Variants in IL17RB observed in about 807,000 individuals in gnomAD.
The protein encoded by IL17RB is interleukin 17 receptor B.
In IL17RB, 36 loss-of-function variants were observed where a neutral mutation model predicts 43.9. The ratio of observed to expected loss-of-function variants is 0.82; its 90% CI spans 0.63 to 1.08. The LOEUF is 1.08. Ranked by LOEUF, IL17RB falls within the 50% of genes least tolerant of loss-of-function variation. IL17RB has a pLI of 0.00. For missense variants in IL17RB, 613 were observed against 613.6 expected (o/e 1.00, Z 0.01); for synonymous variants, 225 against 225.4 (o/e 1.00, Z 0.02).
Position 53,858,707 on chromosome 3 carries a change from G to T in IL17RB, c.748-12G>T. Reference sequence around the variant, plus strand: ...ATGGTGTGAACTTTCTGAGCCTCTTGTTTTTCCTCAGCTGACTCCATATTT... The same window carrying T: ...ATGGTGTGAACTTTCTGAGCCTCTTTTTTTTCCTCAGCTGACTCCATATTT... On this transcript the variant is annotated splice_polypyrimidine_tract_variant and intron_variant, in intron 8 of 10. Transcript: ENST00000288167. 1 of 1,613,466 alleles carries T rather than the reference G, an allele frequency of 6.2e-7. No homozygotes were observed. Among genetic ancestry groups the T allele is most frequent in the East Asian group, 2.2e-5 (1 of 44,872 alleles).
Position 53,865,048 on chromosome 3 carries a change from G to T in IL17RB, c.1249G>T (p.Glu417Ter), listed in dbSNP as rs199790259. The T allele has an allele frequency of 6.2e-7, 1 of 1,614,194 alleles. No individual in the cohort carries two copies. Among genetic ancestry groups the T allele is most frequent in the African/African-American group, 1.3e-5 (1 of 75,046 alleles). Residue 417 changes from glutamate to a stop codon, truncating the protein, a stop_gained, in exon 11 of 11, where the codon GAG becomes TAG. Transcript: ENST00000288167. LOFTEE classifies it low-confidence loss of function (END_TRUNC). ...TGGCAAGAGCGAGGGCAGTCCCAGT[G>T]AGAACTCTCAAGACCTCTTCCCCCT... ...TCGKSEGSPS[E>*]NSQDLFPLAF...
chr3:53,860,323 G>A, intron 10 of IL17RB, 95 bp downstream of exon 10: 8 of 966,880 alleles, frequency 8.3e-6, no homozygotes, highest in Middle Eastern at 3.2e-4. Context: ...TCACATGTTG[G>A]CGTTTCCCAG....
At chr3:53,848,849 A>G (rs111861485) in intron 2 of IL17RB, among the ~76,000 whole-genome samples, 161 bp downstream of exon 2, 17 of 152,296 alleles carry the variant, frequency 1.1e-4, no homozygotes, top group African/African-American at 3.9e-4. Flanking sequence ...TCGAAGCAGA[A>G]CTCTGGGGCT....
At chr3:53,847,101 G>A (rs1326313558) in intron 1 of IL17RB, among the ~76,000 whole-genome samples, 1 of 152,152 alleles carries the variant, frequency 6.6e-6, no homozygotes, top group Non-Finnish European at 1.5e-5. Flanking sequence ...ATGTTCACTC[G>A]TGAAGGCAGT....
chr3:53,856,116 G>A (rs905247079), intron 6 of IL17RB, among the ~76,000 whole-genome samples: 10 of 152,304 alleles, frequency 6.6e-5, no homozygotes, highest in Middle Eastern at 3.4e-3. Flanking sequence ...AGGGTACAGA[G>A]AACACTGCAG....
chr3:53,855,357 A>G lies in IL17RB; in HGVS notation c.529+16A>G. On this transcript the variant is annotated intron_variant, in intron 6 of 10. Transcript: ENST00000288167. Reference sequence around the variant, plus strand: ...GTCAAGGCCGGTAAGTAAATACGGCATTTGCTTTTATTATTTGAAGAAACT... The same window carrying G: ...GTCAAGGCCGGTAAGTAAATACGGCGTTTGCTTTTATTATTTGAAGAAACT... 1 of 1,551,358 alleles carries G rather than the reference A, an allele frequency of 6.4e-7. No homozygotes were observed. The highest frequency in any genetic ancestry group is 8.9e-7 in the Non-Finnish European group (1 of 1,125,212).
chr3:53,855,289 T>G lies in IL17RB; in HGVS notation c.482-5T>G. 1.2e-6 allele frequency: 2 copies of G among 1,602,294 alleles called. No individual in the cohort carries two copies. The highest frequency in any genetic ancestry group is 1.7e-6 in the Non-Finnish European group (2 of 1,171,518). On this transcript the variant is annotated splice_region_variant and splice_polypyrimidine_tract_variant and intron_variant, in intron 5 of 10. Coordinates refer to ENST00000288167, the MANE Select transcript of IL17RB (RefSeq NM_018725.4). ...AAATGTAAAAACTTTCATTCAAATT[T>G]CCAGGCTGCCTAGACCACATAATGA...
chr3:53,857,075 T>C, intron 7 of IL17RB, 89 bp downstream of exon 7: 1 of 1,351,192 alleles, frequency 7.4e-7, no homozygotes, highest in East Asian at 2.3e-5. Context: ...CCAAACGTGC[T>C]GGGCTACTTT....
At chr3:53,862,510 A>C (rs978113692) in intron 10 of IL17RB, among the ~76,000 whole-genome samples, 14 of 152,238 alleles carry the variant, frequency 9.2e-5, no homozygotes, top group Non-Finnish European at 1.8e-4. Flanking sequence ...GAGCCAATCA[A>C]GGAAAGAGAT....
At position 53,856,834 on chromosome 3, in the gene IL17RB, C is replaced by G; in HGVS notation, c.530-10C>G. On this transcript the variant is annotated splice_polypyrimidine_tract_variant and intron_variant, in intron 6 of 10. Transcript: ENST00000288167. Reference sequence around the variant, plus strand: ...CAAGTTCATCTACATGGTTCTCTCTCAACTCACAGGAAGCCTGTGGGATCC... The same window carrying G: ...CAAGTTCATCTACATGGTTCTCTCTGAACTCACAGGAAGCCTGTGGGATCC... The G allele has an allele frequency of 4.3e-6, 7 of 1,613,916 alleles. No individual in the cohort carries two copies. Among genetic ancestry groups the G allele is most frequent in the Non-Finnish European group, 5.9e-6 (7 of 1,179,850 alleles).
At chr3:53,847,436 C>T (rs1403085943) in intron 1 of IL17RB, among the ~76,000 whole-genome samples, 1 of 151,188 alleles carries the variant, frequency 6.6e-6, no homozygotes, top group African/African-American at 2.4e-5. Flanking sequence ...CTTGGCCTCT[C>T]ACCGGCCGTT....
At chr3:53,864,491 C>T (rs552881933) in intron 10 of IL17RB, among the ~76,000 whole-genome samples, 3 of 152,100 alleles carry the variant, frequency 2.0e-5, no homozygotes, top group East Asian at 3.9e-4. Context: ...GCCGAGGTCA[C>T]GCCACTGCAC....
chr3:53,852,771 G>T, intron 4 of IL17RB, 100 bp from the exon 5 acceptor site: 1 of 1,136,248 alleles, frequency 8.8e-7, no homozygotes, highest in Non-Finnish European at 1.3e-6. Flanking sequence ...TTTTCACAGA[G>T]TGAGTAATGA....
In IL17RB at chr3:53,847,044, C is replaced by T. The variant is rs144052357; in HGVS notation, c.60+396C>T. On this transcript the variant is annotated intron_variant, in intron 1 of 10. Coordinates refer to ENST00000288167, the MANE Select transcript of IL17RB (RefSeq NM_018725.4). ...CTGCTCACCTGTTGGGGCACAAGAACTGTTTCTCCATTAGTACCCCCTCCC... is the reference window on the plus strand; with the variant it reads ...CTGCTCACCTGTTGGGGCACAAGAATTGTTTCTCCATTAGTACCCCCTCCC... Among the ~76,000 whole-genome samples the T allele has an allele frequency of 1.1e-4, 17 of 152,338 alleles. No individual in the cohort carries two copies. The East Asian group carries it at 3.3e-3, about 29-fold the overall frequency.
intron 5 of IL17RB, among the ~76,000 whole-genome samples, chr3:53,854,390 T>C (rs1321093272): frequency 6.6e-6 from 1 of 152,232 alleles, no homozygotes; most frequent in African/African-American, 2.4e-5. Flanking sequence ...TTTTCATGAA[T>C]GTCCTCTTTC....
intron 8 of IL17RB, 174 bp downstream of exon 8, chr3:53,857,864 G>C (rs1468556316): frequency 1.6e-6 from 1 of 620,554 alleles, no homozygotes; most frequent in Middle Eastern, 4.3e-4. Context: ...GAGGTCAGGA[G>C]GCCGACGTGG....
At chr3:53,856,737 G>A (rs149256155) in intron 6 of IL17RB, 107 bp from the exon 7 acceptor site, 25 of 1,069,792 alleles carry the variant, frequency 2.3e-5, no homozygotes, top group Admixed American at 7.5e-5. Flanking sequence ...CCTATCTCTT[G>A]GACATTGTTC....
chr3:53,851,921 G>C (rs1296446640), intron 3 of IL17RB, 78 bp from the exon 4 acceptor site: 63 of 1,500,914 alleles, frequency 4.2e-5, no homozygotes, highest in Middle Eastern at 1.7e-4. Context: ...AATAAAGCAT[G>C]CTAGTAAAGC....
rs367979026 is a variant in IL17RB, at chr3:53,864,427, C to T, written c.947-319C>T. Among the ~76,000 whole-genome samples, 21 of 151,968 alleles carry T rather than the reference C, an allele frequency of 1.4e-4. No homozygotes were observed. In the East Asian group the frequency reaches 2.5e-3, roughly 18 times the overall value. On this transcript the variant is annotated intron_variant, in intron 10 of 10. Coordinates refer to ENST00000288167, the MANE Select transcript of IL17RB (RefSeq NM_018725.4). ...GCGGGCGCCTGTAGTCCCAGCTACT[C>T]GGGAGGCTGAGGCAGGAGAATGGCG...
Sources: gnomAD v4.1 joint callset for allele counts (sites outside exome capture counted in the v4.1 genomes callset) on GRCh38, gnomAD v4.1.1 for gene constraint, MANE v1.5 for transcripts, NCBI Gene and HGNC (gene_info 2026-07-23, HGNC 2026-07-21) for gene names.